Variants in FNTB observed in about 807,000 individuals in gnomAD.
The protein encoded by FNTB is protein farnesyltransferase subunit beta.
FNTB carries 27 observed loss-of-function variants against 59.4 expected under a neutral mutation model. That is an observed-to-expected ratio of 0.45 (90% CI 0.34 to 0.63). The LOEUF is 0.63. Ranked by LOEUF, FNTB falls within the 20% of genes least tolerant of loss-of-function variation. The probability of loss-of-function intolerance (pLI) is 0.02; values close to 1 mark genes in which losing one functional copy is unlikely to be tolerated. For synonymous variants in FNTB, 230 were observed against 220.7 expected (o/e 1.04, Z -0.37); for missense variants, 449 against 559.6 (o/e 0.80, Z 1.99).
In FNTB at chr14:64,994,828, A is replaced by C. The variant is rs1443584589; in HGVS notation, c.144+7731A>C. ...AGCAGACATTATGAAAAATAAAAAT[A>C]AACACGGTATGCTTAAGCTACACTA... On this transcript the variant is annotated intron_variant, in intron 1 of 11. Transcript: ENST00000246166. This position sits in a 1 kb window ranked among gnomAD's most constrained non-coding sequence, Gnocchi z 4.2. Among the ~76,000 whole-genome samples the C allele has an allele frequency of 6.6e-6, 1 of 152,140 alleles. No individual in the cohort carries two copies. The highest frequency in any genetic ancestry group is 1.5e-5 in the Non-Finnish European group (1 of 68,030).
At chr14:65,037,820 G>T (rs1246065804) in intron 7 of FNTB, among the ~76,000 whole-genome samples, 1 of 147,450 alleles carries the variant, frequency 6.8e-6, no homozygotes, top group Non-Finnish European at 1.5e-5. Flanking sequence ...TTGCTCTGTT[G>T]CCCAGGCTGG....
At position 65,054,178 on chromosome 14, in the gene FNTB, T is replaced by C. The variant is rs2062676667; in HGVS notation, c.1068-397T>C. Among the ~76,000 whole-genome samples, 1 of 152,054 alleles carries C rather than the reference T, an allele frequency of 6.6e-6. No homozygotes were observed. Among genetic ancestry groups the C allele is most frequent in the South Asian group, 2.1e-4 (1 of 4,826 alleles). On this transcript the variant is annotated intron_variant, in intron 10 of 11. Coordinates refer to ENST00000246166, the MANE Select transcript of FNTB (RefSeq NM_002028.4). The surrounding 1 kb of genome is among the most constrained non-coding windows in gnomAD (Gnocchi z 4.4). ...CCCAGGCTGGAGTGCAGTGTCACAA[T>C]CATGACTCACTGCAGCCTTCACCTC... is the stretch of plus-strand genomic sequence containing the variant.
chr14:65,043,602 C>G (rs1174544720), intron 8 of FNTB, among the ~76,000 whole-genome samples: 1 of 151,846 alleles, frequency 6.6e-6, no homozygotes, highest in Non-Finnish European at 1.5e-5. Context: ...GCGGGTGGAT[C>G]ATGAGGTCAG....
At position 65,028,590 on chromosome 14, in the gene FNTB, G is replaced by A. The variant is rs559951881; in HGVS notation, c.605+809G>A. 6.6e-6 allele frequency among the ~76,000 whole-genome samples: 1 copy of A among 152,338 alleles called. No homozygotes were observed. Among genetic ancestry groups the A allele is most frequent in the South Asian group, 2.1e-4 (1 of 4,830 alleles). ...ATCTGGTTTAACCATTGGTTTGAAA[G>A]TATAGGGGAGGAAAAAACCACGAAC... is the stretch of plus-strand genomic sequence containing the variant. On this transcript the variant is annotated intron_variant, in intron 6 of 11. Transcript: ENST00000246166. This position sits in a 1 kb window ranked among gnomAD's most constrained non-coding sequence, Gnocchi z 4.4.
Position 65,061,379 on chromosome 14 carries a change from A to G in FNTB, c.*67A>G. On this transcript the variant is annotated 3_prime_UTR_variant, in exon 12 of 12. Transcript: ENST00000246166. Reference sequence around the variant, plus strand: ...AGTCAGACAAGGTTTATACGTTTCAATACATACTGCATTCTGTGCTACACA... The same window carrying G: ...AGTCAGACAAGGTTTATACGTTTCAGTACATACTGCATTCTGTGCTACACA... 1 of 1,603,590 alleles carries G rather than the reference A, an allele frequency of 6.2e-7. No individual in the cohort carries two copies. The highest frequency in any genetic ancestry group is 8.5e-7 in the Non-Finnish European group (1 of 1,175,926).
At chr14:65,060,697 C>CAAAAAAAAAAAAA (rs59036615) in intron 11 of FNTB, among the ~76,000 whole-genome samples, 1 of 48,632 alleles carries the variant, frequency 2.1e-5, no homozygotes, top group African/African-American at 2.5e-4. Flanking sequence ...GACTCCGTCT[C>CAAAAAAAAAAAAA]AAAAAAAAAA....
chr14:65,054,699 G>C lies in FNTB; in HGVS notation c.1182+10G>C. 7 of 1,599,498 alleles carry C rather than the reference G, an allele frequency of 4.4e-6. No individual in the cohort carries two copies. The highest frequency in any genetic ancestry group is 6.0e-6 in the Non-Finnish European group (7 of 1,172,942). ...GCCCGAAAACGCTCTGGTAAGACGGGTGCAGGGCTTCACACCCCTTCTCCA... is the reference window on the plus strand; with the variant it reads ...GCCCGAAAACGCTCTGGTAAGACGGCTGCAGGGCTTCACACCCCTTCTCCA... On this transcript the variant is annotated intron_variant, in intron 11 of 11. Transcript: ENST00000246166. This position sits in a 1 kb window ranked among gnomAD's most constrained non-coding sequence, Gnocchi z 4.4.
At chr14:64,995,287 T>C (rs1594984593) in intron 1 of FNTB, among the ~76,000 whole-genome samples, 1 of 152,174 alleles carries the variant, frequency 6.6e-6, no homozygotes, top group Non-Finnish European at 1.5e-5. Context: ...AGCTGTTTTA[T>C]AGTTAATTTT....
In FNTB at chr14:64,986,953, C is replaced by T; in HGVS notation, c.-1C>T. The T allele has an allele frequency of 6.2e-7, 1 of 1,614,242 alleles. No homozygotes were observed. The highest frequency in any genetic ancestry group is 8.5e-7 in the Non-Finnish European group (1 of 1,180,010). On this transcript the variant is annotated 5_prime_UTR_variant, in exon 1 of 12. Transcript: ENST00000246166. ...ACACACTGTCTGCTGCTCTCCTGAT[C>T]ATGGCTTCTCCGAGTTCTTTCACCT...
rs1226651374 is a variant in FNTB, at chr14:65,032,047, C to T, written c.606-563C>T. On this transcript the variant is annotated intron_variant, in intron 6 of 11. Coordinates refer to ENST00000246166, the MANE Select transcript of FNTB (RefSeq NM_002028.4). This position sits in a 1 kb window ranked among gnomAD's most constrained non-coding sequence, Gnocchi z 5.0. ...TGGTGAGAGGTTTGAAATCAAGGCT[C>T]TTTTCTCCCTCTAGAGGTTTAAGGA... 1.3e-5 allele frequency among the ~76,000 whole-genome samples: 2 copies of T among 150,118 alleles called. No individual in the cohort carries two copies. Among genetic ancestry groups the T allele is most frequent in the African/African-American group, 5.0e-5 (2 of 40,180 alleles).
At chr14:65,022,456 T>C (rs2061907320) in intron 4 of FNTB, among the ~76,000 whole-genome samples, 1 of 152,196 alleles carries the variant, frequency 6.6e-6, no homozygotes, top group Admixed American at 6.5e-5. Context: ...AGAATGTTTA[T>C]GTAATTATCC....
chr14:65,040,656 C>A, intron 7 of FNTB, 134 bp from the exon 8 acceptor site: 1 of 725,346 alleles, frequency 1.4e-6, no homozygotes, highest in Non-Finnish European at 1.8e-6. Context: ...AATTAGTTGG[C>A]ATCTTTTCAT....
chr14:65,058,681 A>C (rs1041675227), intron 11 of FNTB, among the ~76,000 whole-genome samples: 2 of 152,182 alleles, frequency 1.3e-5, no homozygotes, highest in Non-Finnish European at 2.9e-5. Context: ...GTCATAAGGT[A>C]GTGTTAAATT....
intron 1 of FNTB, among the ~76,000 whole-genome samples, chr14:65,002,081 A>G (rs1044905999): frequency 2.0e-5 from 3 of 152,218 alleles, no homozygotes; most frequent in East Asian, 1.9e-4. Context: ...CTCTACCTCA[A>G]TGGGTATTTC....
At position 65,007,611 on chromosome 14, in the gene FNTB, A is replaced by C. The variant is rs969658044; in HGVS notation, c.209+3298A>C. Among the ~76,000 whole-genome samples, 2 of 152,154 alleles carry C rather than the reference A, an allele frequency of 1.3e-5. No homozygotes were observed. Among genetic ancestry groups the C allele is most frequent in the Non-Finnish European group, 2.9e-5 (2 of 68,020 alleles). On this transcript the variant is annotated intron_variant, in intron 2 of 11. Coordinates refer to ENST00000246166, the MANE Select transcript of FNTB (RefSeq NM_002028.4). This position sits in a 1 kb window ranked among gnomAD's most constrained non-coding sequence, Gnocchi z 4.9. ...TTCTTCTCTAAGGTTGGGACTGTCT[A>C]CCTGGAGTGAGGTAGTCAGTCCCAA... is the stretch of plus-strand genomic sequence containing the variant.
chr14:64,989,743 C>A (rs938847815), intron 1 of FNTB, among the ~76,000 whole-genome samples: 1 of 152,184 alleles, frequency 6.6e-6, no homozygotes, highest in Non-Finnish European at 1.5e-5. Flanking sequence ...AGGCACTGTT[C>A]TAGACACTCG....
In FNTB at chr14:64,991,103, T is replaced by A. The variant is rs1888182894; in HGVS notation, c.144+4006T>A. Among the ~76,000 whole-genome samples the A allele has an allele frequency of 6.6e-6, 1 of 152,036 alleles. No homozygotes were observed. Among genetic ancestry groups the A allele is most frequent in the Non-Finnish European group, 1.5e-5 (1 of 67,996 alleles). Reference sequence around the variant, plus strand: ...AGGTAGCAGCCTTGCCAAAAACAGGTGTTTACAAAAGATACTACTGTTTTT... The same window carrying A: ...AGGTAGCAGCCTTGCCAAAAACAGGAGTTTACAAAAGATACTACTGTTTTT... On this transcript the variant is annotated intron_variant, in intron 1 of 11. Transcript: ENST00000246166. The surrounding 1 kb of genome is among the most constrained non-coding windows in gnomAD (Gnocchi z 4.4).
intron 2 of FNTB, among the ~76,000 whole-genome samples, chr14:65,005,829 A>T (rs960374246): frequency 2.0e-5 from 3 of 151,878 alleles, no homozygotes; most frequent in Admixed American, 1.3e-4. Context: ...TTTTGTAGAG[A>T]TGGGGGTCTC....
chr14:65,012,420 C>A lies in FNTB; in HGVS notation c.282+31C>A. 2 of 1,613,246 alleles carry A rather than the reference C, an allele frequency of 1.2e-6. No individual in the cohort carries two copies. The highest frequency in any genetic ancestry group is 2.2e-5 in the South Asian group (2 of 90,998). ...CACATTACCCAGGAACTCTTGCTGTCAAATTATCCACCAAATCCTCCTCCT... is the reference window on the plus strand; with the variant it reads ...CACATTACCCAGGAACTCTTGCTGTAAAATTATCCACCAAATCCTCCTCCT... On this transcript the variant is annotated intron_variant, in intron 3 of 11. Coordinates refer to ENST00000246166, the MANE Select transcript of FNTB (RefSeq NM_002028.4). This position sits in a 1 kb window ranked among gnomAD's most constrained non-coding sequence, Gnocchi z 5.0.
Sources: gnomAD v4.1 joint callset for allele counts (sites outside exome capture counted in the v4.1 genomes callset) on GRCh38, gnomAD v4.1.1 for gene constraint, Gnocchi (gnomAD v3.1) non-coding constraint, MANE v1.5 for transcripts, NCBI Gene and HGNC (gene_info 2026-07-23, HGNC 2026-07-21) for gene names.